ZBTB8OS: variants seen among roughly 807,000 people sequenced by gnomAD.
The protein encoded by ZBTB8OS is tRNA-splicing ligase-activating factor archease.
ZBTB8OS carries 16 observed loss-of-function variants against 29.3 expected under a neutral mutation model. The ratio of observed to expected loss-of-function variants is 0.55; its 90% CI spans 0.37 to 0.83. The LOEUF is 0.83. ZBTB8OS is among the 40% of genes least tolerant of loss of function. The probability of loss-of-function intolerance (pLI) is 0.00; values close to 1 mark genes in which losing one functional copy is unlikely to be tolerated. For synonymous variants in ZBTB8OS, 70 were observed against 64.6 expected, an observed-to-expected ratio of 1.08 and a Z score of -0.40; for missense variants, 160 against 196.9, an observed-to-expected ratio of 0.81 and a Z score of 1.12.
At chr1:32,641,282 T>C (rs954822300) in intron 1 of ZBTB8OS, among the ~76,000 whole-genome samples, 2 of 147,236 alleles carry the variant, frequency 1.4e-5, no homozygotes, top group Non-Finnish European at 3.0e-5. Context: ...TTTTTTTTTT[T>C]TTTTTTTTTG....
At chr1:32,631,787 A>AT (rs1227565124) in intron 5 of ZBTB8OS, 40 bp downstream of exon 5, 1 of 1,434,830 alleles carries the variant, frequency 7.0e-7, no homozygotes, top group East Asian at 2.3e-5. Context: ...AATGAAGAAT[A>AT]TAACTTTAAC....
intron 1 of ZBTB8OS, among the ~76,000 whole-genome samples, chr1:32,644,862 G>A (rs189449162): frequency 0.012 from 1,768 of 151,700 alleles, 16 homozygotes; most frequent in Non-Finnish European, 0.019. Flanking sequence ...TTACTACCAC[G>A]CACTTAAAAT....
chr1:32,635,297 A>C (rs191427977), intron 1 of ZBTB8OS, among the ~76,000 whole-genome samples: 4,501 of 141,666 alleles, frequency 0.032, 231 homozygotes, highest in African/African-American at 0.11. Context: ...TTTTAGTTGG[A>C]GTTTCACTCT....
At chr1:32,638,050 A>C (rs1254032291) in intron 1 of ZBTB8OS, among the ~76,000 whole-genome samples, 1 of 151,668 alleles carries the variant, frequency 6.6e-6, no homozygotes, top group Admixed American at 6.6e-5. Flanking sequence ...TTGGCCAGGC[A>C]GGTCTCAAAC....
chr1:32,649,300 AAGGGGATATGCTAGG>A (rs1042004314), intron 1 of ZBTB8OS, among the ~76,000 whole-genome samples: 16 of 151,976 alleles, frequency 1.1e-4, no homozygotes, highest in African/African-American at 3.6e-4. Context: ...TAAGTGAGAG[AAGGGGATATGCTAGG>A]AGGTATGCCA....
At chr1:32,644,142 A>G (rs1646651183) in intron 1 of ZBTB8OS, among the ~76,000 whole-genome samples, 1 of 152,212 alleles carries the variant, frequency 6.6e-6, no homozygotes, top group South Asian at 2.1e-4. Context: ...GAAAGTAAAC[A>G]GTTCCAGGTG....
intron 5 of ZBTB8OS, among the ~76,000 whole-genome samples, chr1:32,630,993 C>T (rs1249265246): frequency 1.3e-5 from 2 of 150,992 alleles, no homozygotes; most frequent in Non-Finnish European, 2.9e-5. Flanking sequence ...AGCAACAGAG[C>T]GAGACTCTGT....
intron 1 of ZBTB8OS, among the ~76,000 whole-genome samples, chr1:32,635,295 GGA>G (rs1205240289): frequency 7.2e-6 from 1 of 139,360 alleles, no homozygotes; most frequent in Non-Finnish European, 1.5e-5. Flanking sequence ...TTTTTTAGTT[GGA>G]GTTTCACTCT....
intron 1 of ZBTB8OS, among the ~76,000 whole-genome samples, chr1:32,642,916 A>T (rs374412373): frequency 3.6e-5 from 5 of 137,638 alleles, no homozygotes; most frequent in Non-Finnish European, 7.8e-5. Flanking sequence ...GATTACAGTC[A>T]CGCGCCACCA....
chr1:32,634,416 G>A (rs1029431425), intron 2 of ZBTB8OS: 5 of 329,168 alleles, frequency 1.5e-5, no homozygotes, highest in Middle Eastern at 8.8e-4. Context: ...TAGTAGAGAC[G>A]GGGTTTTACC....
rs1462798447 is a variant in ZBTB8OS at position 32,646,426 on chromosome 1, T to C, written c.97+4007A>G. Among the ~76,000 whole-genome samples the C allele has an allele frequency of 2.6e-5, 4 of 151,928 alleles. No homozygotes were observed. In the East Asian group the frequency reaches 7.8e-4, roughly 30 times the overall value. On this transcript the variant is annotated intron_variant, in intron 1 of 6. Coordinates refer to ENST00000468695, the MANE Select transcript of ZBTB8OS (RefSeq NM_178547.5). ...TTTTTGAGAAAGAGTCTCACTCTGT[T>C]GCCCAGGCTGGAGTGCAGTGGTGCA...
At chr1:32,626,298 T>C (rs1257154015) in intron 6 of ZBTB8OS, among the ~76,000 whole-genome samples, 1 of 152,202 alleles carries the variant, frequency 6.6e-6, no homozygotes, top group Non-Finnish European at 1.5e-5. Context: ...GTTCATAGCC[T>C]AGGAGCAATA....
At chr1:32,637,109 C>A (rs1008597874) in intron 1 of ZBTB8OS, among the ~76,000 whole-genome samples, 2 of 152,012 alleles carry the variant, frequency 1.3e-5, no homozygotes, top group Admixed American at 1.3e-4. Context: ...TCTACTAAGT[C>A]CCCCTCACTC....
At chr1:32,649,280 A>G (rs948282969) in intron 1 of ZBTB8OS, among the ~76,000 whole-genome samples, 1 of 151,950 alleles carries the variant, frequency 6.6e-6, no homozygotes, top group Admixed American at 6.6e-5. Context: ...TAATATTTTA[A>G]AATTGTTTTT....
intron 1 of ZBTB8OS, among the ~76,000 whole-genome samples, chr1:32,635,352 G>C (rs1445805823): frequency 6.6e-6 from 1 of 150,942 alleles, no homozygotes; most frequent in African/African-American, 2.4e-5. Flanking sequence ...GCTCACTGCA[G>C]CCTCTGCCTC....
At chr1:32,648,268 T>C (rs1390519428) in intron 1 of ZBTB8OS, among the ~76,000 whole-genome samples, 6 of 152,182 alleles carry the variant, frequency 3.9e-5, no homozygotes, top group African/African-American at 1.4e-4. Flanking sequence ...AAGTATAAAT[T>C]GGTACAACTC....
chr1:32,646,323 GA>G (rs1334097293), intron 1 of ZBTB8OS, among the ~76,000 whole-genome samples: 35 of 143,838 alleles, frequency 2.4e-4, no homozygotes, highest in Non-Finnish European at 2.1e-4. Flanking sequence ...CTGTCTCAGG[GA>G]AAAAAAAAAA....
chr1:32,642,201 G>T (rs1646463806), intron 1 of ZBTB8OS, among the ~76,000 whole-genome samples: 1 of 151,984 alleles, frequency 6.6e-6, no homozygotes, highest in African/African-American at 2.4e-5. Context: ...ATGTTTCTTT[G>T]CCATATTTTG....
chr1:32,650,303 A>G (rs751833840), intron 1 of ZBTB8OS, 130 bp downstream of exon 1: 55 of 1,274,532 alleles, frequency 4.3e-5, no homozygotes, highest in Non-Finnish European at 5.4e-5. Context: ...CGACTACAAC[A>G]GCCGGCACAA....
Sources: allele counts gnomAD v4.1 joint callset (sites outside exome capture counted in the v4.1 genomes callset), GRCh38; gene constraint gnomAD v4.1.1; transcripts MANE v1.5; gene names NCBI Gene and HGNC (gene_info 2026-07-23, HGNC 2026-07-21).